The following STKLD1 variants were observed in gnomAD, a reference collection of about 807,000 sequenced individuals.
STKLD1 encodes serine/threonine kinase like domain containing 1.
In STKLD1, 79 loss-of-function variants were observed where a neutral mutation model predicts 80.4. That is an observed-to-expected ratio of 0.98 (90% CI 0.82 to 1.19). STKLD1 has a LOEUF of 1.19. Among genes scored for constraint, STKLD1 ranks in the 50% most tolerant of loss-of-function variants. STKLD1 has a pLI of 0.00. For synonymous variants in STKLD1, 393 were observed against 357.6 expected, an observed-to-expected ratio of 1.10 and a Z score of -1.12; for missense variants, 841 against 856.0, an observed-to-expected ratio of 0.98 and a Z score of 0.22.
At position 133,399,495 on chromosome 9, in the gene STKLD1, G is replaced by T. The variant is rs782289962; in HGVS notation, c.1082-918G>T. ...GGGAAGAGAGACTTTGCCTCCCTGG[G>T]GAAACTAGGGAAGCTGTTGGGCCCC... On this transcript the variant is annotated intron_variant, in intron 11 of 17. Transcript: ENST00000371957. 5.9e-5 allele frequency among the ~76,000 whole-genome samples: 9 copies of T among 152,204 alleles called. No individual in the cohort carries two copies. The South Asian group carries it at 1.0e-3, about 17-fold the overall frequency.
intron 5 of STKLD1, among the ~76,000 whole-genome samples, chr9:133,388,467 G>A (rs989959580): frequency 1.3e-5 from 2 of 152,018 alleles, no homozygotes; most frequent in Admixed American, 6.6e-5. Context: ...GGCTGGTCTC[G>A]AACTCCTGAC....
intron 13 of STKLD1, among the ~76,000 whole-genome samples, chr9:133,402,489 T>C (rs1471288750): frequency 6.6e-6 from 1 of 152,168 alleles, no homozygotes; most frequent in Admixed American, 6.5e-5. Context: ...GCACTAGGAA[T>C]AGATGTCAAC....
At position 133,385,519 on chromosome 9, in the gene STKLD1, G is replaced by C; in HGVS notation, c.220-98G>C. Reference sequence around the variant, plus strand: ...CTCCCTGGCCCAGCTCAGAGCCCGAGGCTTGCATGTTTGTTGGGATGTGTG... The same window carrying C: ...CTCCCTGGCCCAGCTCAGAGCCCGACGCTTGCATGTTTGTTGGGATGTGTG... On this transcript the variant is annotated intron_variant, in intron 3 of 17. Transcript: ENST00000371957. The surrounding 1 kb of genome is among the most constrained non-coding windows in gnomAD (Gnocchi z 4.9). The C allele has an allele frequency of 7.8e-7, 1 of 1,279,816 alleles. No homozygotes were observed. The highest frequency in any genetic ancestry group is 1.1e-6 in the Non-Finnish European group (1 of 892,734). The allele number at this position is 1,279,816 out of a possible 1,614,324, so 79.3% of individuals were successfully genotyped here.
intron 1 of STKLD1, among the ~76,000 whole-genome samples, chr9:133,377,469 C>T (rs1838010789): frequency 6.6e-6 from 1 of 152,160 alleles, no homozygotes; most frequent in Admixed American, 6.5e-5. Flanking sequence ...AGTTCAAGAC[C>T]AGCCTGACCA....
At chr9:133,378,410 G>A (rs1237364410) in intron 1 of STKLD1, among the ~76,000 whole-genome samples, 1 of 152,008 alleles carries the variant, frequency 6.6e-6, no homozygotes, top group Non-Finnish European at 1.5e-5. Context: ...TTCTGGCTTG[G>A]TGGCCATCTC....
rs1206909442 is a variant in STKLD1 at position 133,405,333 on chromosome 9, T to A, written c.1955T>A (p.Val652Glu). 1.9e-6 allele frequency: 3 copies of A among 1,612,758 alleles called. No individual in the cohort carries two copies. Among genetic ancestry groups the A allele is most frequent in the African/African-American group, 1.3e-5 (1 of 74,910 alleles). Residue 652 changes from valine (V) to glutamate (E), a missense_variant, in exon 18 of 18, where the codon GTG (valine) becomes GAG (glutamate). Coordinates refer to ENST00000371957, the MANE Select transcript of STKLD1 (RefSeq NM_153710.5). ...EIKERFTSSL[V>E]SDSSAFSKPG... ...AAGGAGCGCTTCACCTCCAGCCTGG[T>A]GAGTGACAGCAGCGCCTTCAGCAAA... is the stretch of plus-strand genomic sequence containing the variant.
Position 133,397,942 on chromosome 9 carries a change from G to A in STKLD1, c.998-30G>A, listed in dbSNP as rs587654154. 8.8e-6 allele frequency: 14 copies of A among 1,598,996 alleles called. No individual in the cohort carries two copies. In the Admixed American group the frequency reaches 1.3e-4, roughly 15 times the overall value. ...GCCCCGAGGCCCTGGTCCTCAGAAA[G>A]GTCCCTCCCCTGCCTTCCTGTCCCT... On this transcript the variant is annotated intron_variant, in intron 10 of 17. Coordinates refer to ENST00000371957, the MANE Select transcript of STKLD1 (RefSeq NM_153710.5).
In STKLD1 at chr9:133,390,094, A is replaced by G. The variant is rs1302958474; in HGVS notation, c.467+498A>G. Reference sequence around the variant, plus strand: ...GGTGCACGCCTGTGGTCCTAGCAACATGGAGGCTGAGATGGGAGGATTGCT... The same window carrying G: ...GGTGCACGCCTGTGGTCCTAGCAACGTGGAGGCTGAGATGGGAGGATTGCT... On this transcript the variant is annotated intron_variant, in intron 6 of 17. Coordinates refer to ENST00000371957, the MANE Select transcript of STKLD1 (RefSeq NM_153710.5). This position sits in a 1 kb window ranked among gnomAD's most constrained non-coding sequence, Gnocchi z 5.1. Among the ~76,000 whole-genome samples the G allele has an allele frequency of 1.3e-5, 2 of 152,108 alleles. No individual in the cohort carries two copies. The highest frequency in any genetic ancestry group is 4.8e-5 in the African/African-American group (2 of 41,412).
At chr9:133,378,963 A>T (rs1367355677) in intron 1 of STKLD1, 73 bp from the exon 2 acceptor site, 1 of 1,357,058 alleles carries the variant, frequency 7.4e-7, no homozygotes, top group East Asian at 2.4e-5. Flanking sequence ...CCAGAAAAGG[A>T]GTTGGAGCTG....
intron 16 of STKLD1, among the ~76,000 whole-genome samples, 195 bp from the exon 17 acceptor site, chr9:133,404,594 C>T (rs1386879048): frequency 6.6e-6 from 1 of 152,170 alleles, no homozygotes; most frequent in Non-Finnish European, 1.5e-5. Context: ...GGGGCTGCCT[C>T]CTCTGTTCTT....
At position 133,403,699 on chromosome 9, in the gene STKLD1, G is replaced by A. The variant is rs150641045; in HGVS notation, c.1475-1G>A. On this transcript the variant is annotated splice_acceptor_variant, in intron 14 of 17. Transcript: ENST00000371957. LOFTEE classifies it high-confidence loss of function. Reference sequence around the variant, plus strand: ...CCCTTCCATCCCTGTCCTCGTTCCAGGTATCATTGTGAACAAGGCCCCCTT... The same window carrying A: ...CCCTTCCATCCCTGTCCTCGTTCCAAGTATCATTGTGAACAAGGCCCCCTT... The A allele has an allele frequency of 6.2e-7, 1 of 1,613,008 alleles. No homozygotes were observed. The highest frequency in any genetic ancestry group is 1.1e-5 in the South Asian group (1 of 91,020).
chr9:133,402,786 G>T, intron 13 of STKLD1, 92 bp from the exon 14 acceptor site: 1 of 1,423,546 alleles, frequency 7.0e-7, no homozygotes, highest in Non-Finnish European at 9.5e-7. Flanking sequence ...AGGATTGCAG[G>T]TCAAATGGGA....
At chr9:133,403,151 T>A in intron 14 of STKLD1, 139 bp downstream of exon 14, 1 of 906,532 alleles carries the variant, frequency 1.1e-6, no homozygotes, top group South Asian at 2.0e-5. Flanking sequence ...AAGGCTCTTC[T>A]GAGAGCTTCC....
At chr9:133,401,126 CAA>C (rs71503343) in intron 12 of STKLD1, among the ~76,000 whole-genome samples, 16,049 of 146,608 alleles carry the variant, frequency 0.11, 1,258 homozygotes, top group African/African-American at 0.2. Context: ...TTTTTTGAAA[CAA>C]AAAGTATTTA....
At position 133,400,435 on chromosome 9, in the gene STKLD1, G is replaced by A. The variant is rs1229347771; in HGVS notation, c.1104G>A (p.Leu368=). Reference sequence around the variant, plus strand: ...CAGGTCTGCCGTGGCCCCCGGAGCTGGTGGAGGTGGTGGTCACGACCATGG... The same window carrying A: ...CAGGTCTGCCGTGGCCCCCGGAGCTAGTGGAGGTGGTGGTCACGACCATGG... ...DQLGLPWPPE[L]VEVVVTTMEL... The change falls in exon 12 of 18, where the codon CTG becomes CTA. Residue 368 remains leucine (L), a synonymous_variant. Transcript: ENST00000371957. The A allele has an allele frequency of 6.2e-7, 1 of 1,612,880 alleles. No homozygotes were observed. Among genetic ancestry groups the A allele is most frequent in the Non-Finnish European group, 8.5e-7 (1 of 1,179,914 alleles).
chr9:133,401,544 A>G (rs1003715629), intron 12 of STKLD1, among the ~76,000 whole-genome samples, 194 bp from the exon 13 acceptor site: 12 of 152,184 alleles, frequency 7.9e-5, no homozygotes, highest in African/African-American at 2.9e-4. Flanking sequence ...CTGGCCGGGC[A>G]GGGCTCCCTT....
At chr9:133,399,534 G>A (rs1346088447) in intron 11 of STKLD1, among the ~76,000 whole-genome samples, 2 of 152,220 alleles carry the variant, frequency 1.3e-5, no homozygotes, top group Non-Finnish European at 2.9e-5. Context: ...CCAAAGGGTA[G>A]GTCTTTCCCA....
rs2130274522 is a variant in STKLD1, at chr9:133,385,469, C to G, written c.220-148C>G. 9.2e-5 allele frequency: 66 copies of G among 715,198 alleles called. No homozygotes were observed. In the Middle Eastern group the frequency reaches 9.7e-4, roughly 11 times the overall value. 44.3% of individuals were successfully genotyped at this position (715,198 alleles called of 1,614,324 possible). ...CCACATCGGACTGCCTGGCTCCCAACCACCGTGCAGCTTCCCTGAGCCCAC... is the reference window on the plus strand; with the variant it reads ...CCACATCGGACTGCCTGGCTCCCAAGCACCGTGCAGCTTCCCTGAGCCCAC... On this transcript the variant is annotated intron_variant, in intron 3 of 17. Transcript: ENST00000371957. This position sits in a 1 kb window ranked among gnomAD's most constrained non-coding sequence, Gnocchi z 4.9.
intron 2 of STKLD1, among the ~76,000 whole-genome samples, chr9:133,383,285 T>TGTG (rs1838186028): frequency 1.1e-3 from 1 of 870 alleles, no homozygotes; most frequent in Non-Finnish European, 2.4e-3. Flanking sequence ...ATGGTGGTGG[T>TGTG]GTGATGATGT....
Sources: allele counts gnomAD v4.1 joint callset (sites outside exome capture counted in the v4.1 genomes callset), GRCh38; gene constraint gnomAD v4.1.1; non-coding constraint Gnocchi (gnomAD v3.1); transcripts MANE v1.5; gene names NCBI Gene and HGNC (gene_info 2026-07-23, HGNC 2026-07-21).